Variants in CTIF observed in about 807,000 individuals in gnomAD.
CTIF encodes the protein CBP80/20-dependent translation initiation factor.
A neutral mutation model predicts 66.0 loss-of-function variants in CTIF; 21 were observed. The observed-to-expected ratio is 0.32, with a 90% CI of 0.23 to 0.46. CTIF has a LOEUF of 0.46. CTIF is among the 20% of genes least tolerant of loss of function. The probability of loss-of-function intolerance (pLI) is 1.00; values close to 1 mark genes in which losing one functional copy is unlikely to be tolerated. For missense variants in CTIF, 739 were observed against 812.7 expected (o/e 0.91, Z 1.10); for synonymous variants, 345 against 326.4 (o/e 1.06, Z -0.62).
At chr18:48,855,609 C>T (rs2069310567) in intron 10 of CTIF, among the ~76,000 whole-genome samples, 1 of 152,190 alleles carries the variant, frequency 6.6e-6, no homozygotes, top group Non-Finnish European at 1.5e-5. Context: ...TGGGCTGTGG[C>T]ATGCTAGGAA....
intron 2 of CTIF, among the ~76,000 whole-genome samples, chr18:48,634,002 C>T (rs898009304): frequency 1.3e-5 from 2 of 152,142 alleles, no homozygotes; most frequent in East Asian, 1.9e-4. Flanking sequence ...GTTCCACGAA[C>T]GTCCTTTTCC....
chr18:48,670,894 G>A, intron 6 of CTIF, 150 bp downstream of exon 6: 1 of 642,806 alleles, frequency 1.6e-6, no homozygotes, highest in South Asian at 1.8e-5. Flanking sequence ...GGCAGGGCTG[G>A]CTACCTGCCA....
chr18:48,842,170 C>T (rs12458062), intron 10 of CTIF, among the ~76,000 whole-genome samples: 77,030 of 152,030 alleles, frequency 0.51, 21,576 homozygotes, highest in African/African-American at 0.76. Context: ...TCAACTGAAA[C>T]GTCTCTTGGA....
At chr18:48,669,873 C>T (rs993835551) in intron 5 of CTIF, among the ~76,000 whole-genome samples, 3 of 116,606 alleles carry the variant, frequency 2.6e-5, no homozygotes, top group Non-Finnish European at 3.5e-5. Flanking sequence ...ATATATGTAC[C>T]GTTTACTGTG....
At chr18:48,807,870 C>G (rs999857114) in intron 9 of CTIF, among the ~76,000 whole-genome samples, 1 of 152,216 alleles carries the variant, frequency 6.6e-6, no homozygotes, top group Non-Finnish European at 1.5e-5. Flanking sequence ...ACGTGAGCTA[C>G]TGCACCTGGC....
intron 9 of CTIF, among the ~76,000 whole-genome samples, chr18:48,775,085 A>G (rs1384770659): frequency 1.3e-5 from 2 of 152,202 alleles, no homozygotes; most frequent in Admixed American, 6.5e-5. Flanking sequence ...CCTGTGGCAT[A>G]AGAAATAACT....
At chr18:48,843,286 C>T (rs2068990610) in intron 10 of CTIF, among the ~76,000 whole-genome samples, 1 of 152,166 alleles carries the variant, frequency 6.6e-6, no homozygotes, top group African/African-American at 2.4e-5. Context: ...AACTGCTCTT[C>T]TACCCTTCTC....
chr18:48,765,283 C>T (rs979642786), intron 9 of CTIF, among the ~76,000 whole-genome samples: 3 of 152,184 alleles, frequency 2.0e-5, no homozygotes, highest in Non-Finnish European at 4.4e-5. Flanking sequence ...GCACTCAGCT[C>T]CATCCACTCA....
intron 9 of CTIF, among the ~76,000 whole-genome samples, chr18:48,774,293 A>G (rs1342286583): frequency 1.3e-5 from 2 of 152,176 alleles, no homozygotes; most frequent in African/African-American, 4.8e-5. Flanking sequence ...CCATGGGCAC[A>G]GGGAGTCTGC....
At chr18:48,724,375 C>T (rs1447186318) in intron 7 of CTIF, among the ~76,000 whole-genome samples, 2 of 152,174 alleles carry the variant, frequency 1.3e-5, no homozygotes, top group Non-Finnish European at 2.9e-5. Context: ...TCCCCACCTA[C>T]CCTCCCACCC....
chr18:48,772,524 G>A (rs56842013), intron 9 of CTIF, among the ~76,000 whole-genome samples: 9,857 of 107,080 alleles, frequency 0.092, 937 homozygotes, highest in African/African-American at 0.31. Context: ...CTACAGCAAT[G>A]CCTCCCCTCC....
intron 7 of CTIF, among the ~76,000 whole-genome samples, chr18:48,722,354 C>A (rs577347806): frequency 2.4e-4 from 36 of 151,852 alleles, no homozygotes; most frequent in African/African-American, 8.0e-4. Flanking sequence ...TAACTGGGAC[C>A]ACAGGCACGT....
chr18:48,807,447 C>CT (rs1179613923), intron 9 of CTIF, among the ~76,000 whole-genome samples: 1 of 151,966 alleles, frequency 6.6e-6, no homozygotes, highest in Non-Finnish European at 1.5e-5. Context: ...TCTCCTCTTT[C>CT]TTTTTAAAAA....
At chr18:48,542,348 G>C (rs1301313824) in intron 1 of CTIF, among the ~76,000 whole-genome samples, 1 of 152,190 alleles carries the variant, frequency 6.6e-6, no homozygotes, top group East Asian at 1.9e-4. Context: ...TTGAATTCAA[G>C]GAGCAAAGAA....
At chr18:48,729,105 C>T (rs1226727988) in intron 7 of CTIF, among the ~76,000 whole-genome samples, 2 of 152,194 alleles carry the variant, frequency 1.3e-5, no homozygotes, top group South Asian at 2.1e-4. Context: ...CCTTCCTGCC[C>T]ATGGCCCCTC....
At chr18:48,809,848 CT>C (rs1483805935) in intron 9 of CTIF, among the ~76,000 whole-genome samples, 24 of 151,504 alleles carry the variant, frequency 1.6e-4, no homozygotes, top group South Asian at 4.2e-4. Context: ...TTTTATTATA[CT>C]TTTTTTCTAT....
chr18:48,821,408 C>A (rs2068480878), intron 10 of CTIF, among the ~76,000 whole-genome samples: 1 of 152,272 alleles, frequency 6.6e-6, no homozygotes, highest in Non-Finnish European at 1.5e-5. Flanking sequence ...GGTCAGGCAA[C>A]TTGCTCAGGG....
At chr18:48,772,636 G>A (rs1910282692) in intron 9 of CTIF, among the ~76,000 whole-genome samples, 1 of 152,114 alleles carries the variant, frequency 6.6e-6, no homozygotes, top group African/African-American at 2.4e-5. Context: ...TCACATCATG[G>A]TTTCCAGGTT....
intron 1 of CTIF, among the ~76,000 whole-genome samples, chr18:48,577,957 C>G (rs535145731): frequency 2.0e-5 from 3 of 152,222 alleles, no homozygotes; most frequent in Non-Finnish European, 4.4e-5. Context: ...TCACCTTTTA[C>G]GCCCATTACC....
Sources: allele counts gnomAD v4.1 joint callset (sites outside exome capture counted in the v4.1 genomes callset), GRCh38; gene constraint gnomAD v4.1.1; transcripts MANE v1.5; gene names NCBI Gene and HGNC (gene_info 2026-07-23, HGNC 2026-07-21).